The following HCN1 variants were observed in gnomAD, a reference collection of about 807,000 sequenced individuals.
HCN1 encodes potassium/sodium hyperpolarization-activated cyclic nucleotide-gated channel 1.
Under a neutral mutation model 78.9 loss-of-function variants are expected in HCN1, and 13 were observed. The ratio of observed to expected loss-of-function variants is 0.16; its 90% confidence interval spans 0.11 to 0.26. HCN1 has a LOEUF of 0.26. Ranked by LOEUF, HCN1 falls within the 10% of genes least tolerant of loss-of-function variation. HCN1 has a pLI of 1.00. For missense variants in HCN1, 810 were observed against 1,154.3 expected, an observed-to-expected ratio of 0.70 and a Z score of 4.32; for synonymous variants, 552 against 455.5, an observed-to-expected ratio of 1.21 and a Z score of -2.70.
chr5:45,435,645 G>T (rs946816608), intron 3 of HCN1, among the ~76,000 whole-genome samples: 5 of 152,130 alleles, frequency 3.3e-5, no homozygotes, highest in African/African-American at 1.2e-4. Flanking sequence ...AACACTTTAT[G>T]AGATGGGGTG....
At chr5:45,562,090 A>G (rs781503989) in intron 2 of HCN1, among the ~76,000 whole-genome samples, 1 of 152,082 alleles carries the variant, frequency 6.6e-6, no homozygotes, top group Non-Finnish European at 1.5e-5. Context: ...GTTGAACAGA[A>G]GTACAGGTGG....
intron 2 of HCN1, among the ~76,000 whole-genome samples, chr5:45,476,750 A>G (rs985286846): frequency 2.0e-5 from 3 of 152,130 alleles, no homozygotes; most frequent in African/African-American, 7.2e-5. Flanking sequence ...TCTAATATGA[A>G]AATCTGAAAT....
At position 45,614,421 on chromosome 5, in the gene HCN1, G is replaced by C. The variant is rs988193337; in HGVS notation, c.849+30764C>G. On this transcript the variant is annotated intron_variant, in intron 2 of 7. Transcript: ENST00000303230. ...GTCTGAATACAAACTAGAGTTCTCT[G>C]TATTTTGTAATGCTGGTGGCAGGTC... Among the ~76,000 whole-genome samples, 5 of 152,090 alleles carry C rather than the reference G, an allele frequency of 3.3e-5. No homozygotes were observed. The East Asian group carries it at 9.6e-4, about 29-fold the overall frequency.
intron 6 of HCN1, among the ~76,000 whole-genome samples, chr5:45,280,024 G>T (rs1480883145): frequency 2.6e-5 from 4 of 151,650 alleles, no homozygotes; most frequent in South Asian, 4.2e-4. Context: ...AAACATGAAA[G>T]ATATATAATT....
intron 3 of HCN1, among the ~76,000 whole-genome samples, chr5:45,402,460 C>G (rs1015330746): frequency 2.6e-5 from 4 of 152,094 alleles, no homozygotes; most frequent in Non-Finnish European, 5.9e-5. Context: ...TTCTGCAGTT[C>G]AGAGGAGACT....
chr5:45,358,780 A>G (rs1747056496), intron 4 of HCN1, among the ~76,000 whole-genome samples: 1 of 152,138 alleles, frequency 6.6e-6, no homozygotes, highest in South Asian at 2.1e-4. Context: ...AATAAAGTGA[A>G]ATAAATAACA....
chr5:45,319,735 G>A (rs939249474), intron 5 of HCN1, among the ~76,000 whole-genome samples: 3 of 151,206 alleles, frequency 2.0e-5, no homozygotes, highest in African/African-American at 7.3e-5. Context: ...AAAAAAATGA[G>A]TTTGATATAT....
At chr5:45,456,684 T>C (rs1230821744) in intron 3 of HCN1, among the ~76,000 whole-genome samples, 3 of 152,026 alleles carry the variant, frequency 2.0e-5, no homozygotes, top group Admixed American at 6.6e-5. Context: ...TGATGAGTAA[T>C]GCTGTTTTGC....
At chr5:45,365,570 T>C (rs1319720447) in intron 4 of HCN1, among the ~76,000 whole-genome samples, 1 of 151,988 alleles carries the variant, frequency 6.6e-6, no homozygotes, top group African/African-American at 2.4e-5. Flanking sequence ...ATACCCACAT[T>C]TTCTTTATCC....
chr5:45,569,113 C>A (rs534253297), intron 2 of HCN1, among the ~76,000 whole-genome samples: 2 of 152,126 alleles, frequency 1.3e-5, no homozygotes, highest in African/African-American at 4.8e-5. Context: ...AACAGACAGA[C>A]CTTGCTAAGT....
At chr5:45,352,076 C>T (rs544486130) in intron 5 of HCN1, among the ~76,000 whole-genome samples, 18 of 152,234 alleles carry the variant, frequency 1.2e-4, no homozygotes, top group African/African-American at 2.6e-4. Flanking sequence ...CAGATGCACA[C>T]GTATGTTTAT....
intron 1 of HCN1, among the ~76,000 whole-genome samples, chr5:45,689,407 G>C (rs1311526483): frequency 1.3e-5 from 2 of 152,050 alleles, no homozygotes; most frequent in Non-Finnish European, 2.9e-5. Context: ...AAGGTAGCAT[G>C]GTTTAAATTC....
At chr5:45,351,205 C>A (rs1056102616) in intron 5 of HCN1, among the ~76,000 whole-genome samples, 18 of 152,052 alleles carry the variant, frequency 1.2e-4, no homozygotes, top group African/African-American at 4.3e-4. Context: ...AGAACAGAGC[C>A]TTCAGAAATA....
chr5:45,291,111 C>T (rs562298772), intron 6 of HCN1, among the ~76,000 whole-genome samples: 23 of 152,092 alleles, frequency 1.5e-4, no homozygotes, highest in Non-Finnish European at 2.9e-4. Flanking sequence ...ATATCTTAGA[C>T]TTTGTTATCA....
intron 6 of HCN1, among the ~76,000 whole-genome samples, chr5:45,290,312 G>A (rs1356967875): frequency 6.6e-6 from 1 of 151,786 alleles, no homozygotes; most frequent in African/African-American, 2.4e-5. Context: ...ACAAATACAG[G>A]GCACTAATCC....
chr5:45,613,100 C>G (rs2111981745), intron 2 of HCN1, among the ~76,000 whole-genome samples: 1 of 151,430 alleles, frequency 6.6e-6, no homozygotes, highest in African/African-American at 2.4e-5. Context: ...GTGCACTGCA[C>G]CCACTAACTC....
chr5:45,404,738 A>G (rs1739887957), intron 3 of HCN1, among the ~76,000 whole-genome samples: 1 of 150,258 alleles, frequency 6.7e-6, no homozygotes, highest in African/African-American at 2.4e-5. Context: ...AGAAAGAAAA[A>G]GGAATATTTA....
At chr5:45,560,248 G>A (rs1240887353) in intron 2 of HCN1, among the ~76,000 whole-genome samples, 1 of 152,010 alleles carries the variant, frequency 6.6e-6, no homozygotes, top group Non-Finnish European at 1.5e-5. Context: ...TATAATGTTT[G>A]TATGCATTCT....
intron 6 of HCN1, among the ~76,000 whole-genome samples, chr5:45,299,495 G>A (rs1277077922): frequency 6.6e-6 from 1 of 151,638 alleles, no homozygotes; most frequent in Non-Finnish European, 1.5e-5. Context: ...ACTGGTGATT[G>A]GATTTCAACT....
Sources: allele counts gnomAD v4.1 joint callset (sites outside exome capture counted in the v4.1 genomes callset), GRCh38; gene constraint gnomAD v4.1.1; transcripts MANE v1.5; gene names NCBI Gene and HGNC (gene_info 2026-07-23, HGNC 2026-07-21).